Variants in CNTNAP5 observed in about 807,000 individuals in gnomAD.
CNTNAP5 encodes the protein contactin associated protein family member 5, also known as contactin-associated protein-like 5.
CNTNAP5 carries 72 observed loss-of-function variants against 150.2 expected under a neutral mutation model. The observed-to-expected ratio is 0.48, with a 90% CI of 0.40 to 0.58. The LOEUF (loss-of-function observed/expected upper bound fraction) is 0.58. Among genes scored for constraint, CNTNAP5 ranks in the 20% least tolerant of loss-of-function variants. The pLI is 0.00. For missense variants in CNTNAP5, 1,636 were observed against 1,626.2 expected (o/e 1.01, Z -0.10); for synonymous variants, 672 against 619.8 (o/e 1.08, Z -1.25).
chr2:124,572,928 G>C (rs530540604), intron 11 of CNTNAP5, among the ~76,000 whole-genome samples: 1 of 152,224 alleles, frequency 6.6e-6, no homozygotes, highest in Admixed American at 6.5e-5. Context: ...TTATTCTACC[G>C]TATAAAAATT....
chr2:124,723,009 A>G (rs1398235168), intron 13 of CNTNAP5, among the ~76,000 whole-genome samples: 4 of 152,174 alleles, frequency 2.6e-5, no homozygotes, highest in African/African-American at 7.2e-5. Flanking sequence ...AGCCACATCT[A>G]TAATCTCTTT....
chr2:124,406,296 T>G lies in CNTNAP5; in HGVS notation c.382-11147T>G, dbSNP rs185573772. ...TAATGTATAATCTGTAGTTGTTGAA[T>G]GGAGTGTTACATGAATGTAAATTAG... On this transcript the variant is annotated intron_variant, in intron 3 of 23. Transcript: ENST00000682447. Among the ~76,000 whole-genome samples the G allele has an allele frequency of 1.9e-3, 286 of 152,348 alleles. 2 individuals carry two copies. Among genetic ancestry groups the G allele is most frequent in the African/African-American group, 6.4e-3 (267 of 41,596 alleles).
intron 7 of CNTNAP5, among the ~76,000 whole-genome samples, chr2:124,481,400 C>T (rs973081783): frequency 2.6e-5 from 4 of 152,108 alleles, no homozygotes; most frequent in African/African-American, 4.8e-5. Flanking sequence ...TATGACTTTT[C>T]CTTTCTATCA....
At chr2:124,565,026 T>C (rs1447620165) in intron 11 of CNTNAP5, among the ~76,000 whole-genome samples, 1 of 152,108 alleles carries the variant, frequency 6.6e-6, no homozygotes, top group East Asian at 1.9e-4. Flanking sequence ...GCATGGTAGA[T>C]GCCAATAGGG....
chr2:124,264,992 G>C (rs939861586), intron 3 of CNTNAP5, among the ~76,000 whole-genome samples: 1 of 152,216 alleles, frequency 6.6e-6, no homozygotes, highest in Non-Finnish European at 1.5e-5. Context: ...CAGTAACACA[G>C]ACCTCCTAAG....
At chr2:124,156,644 C>T (rs545682667) in intron 1 of CNTNAP5, among the ~76,000 whole-genome samples, 11 of 152,216 alleles carry the variant, frequency 7.2e-5, no homozygotes, top group Middle Eastern at 3.4e-3. Context: ...TACAAACATG[C>T]GCCACCATAC....
chr2:124,200,066 T>G (rs1433732574), intron 1 of CNTNAP5, among the ~76,000 whole-genome samples: 1 of 152,186 alleles, frequency 6.6e-6, no homozygotes, highest in African/African-American at 2.4e-5. Flanking sequence ...AAAACAATCT[T>G]TGCAGCATTT....
At chr2:124,557,295 A>G (rs756255201) in intron 10 of CNTNAP5, among the ~76,000 whole-genome samples, 7 of 151,536 alleles carry the variant, frequency 4.6e-5, no homozygotes, top group Non-Finnish European at 7.4e-5. Flanking sequence ...GCTGCACAGA[A>G]GAAGGCTCTT....
intron 13 of CNTNAP5, among the ~76,000 whole-genome samples, chr2:124,671,988 G>A (rs1678833737): frequency 6.6e-6 from 1 of 152,154 alleles, no homozygotes; most frequent in African/African-American, 2.4e-5. Context: ...GATATACCCA[G>A]TGAGACTTGT....
chr2:124,461,066 T>C (rs1331081320), intron 6 of CNTNAP5, among the ~76,000 whole-genome samples: 2 of 152,124 alleles, frequency 1.3e-5, no homozygotes, highest in African/African-American at 2.4e-5. Context: ...GGAACACTTT[T>C]ACACTGTTGG....
intron 1 of CNTNAP5, among the ~76,000 whole-genome samples, chr2:124,096,432 T>C (rs1293247721): frequency 6.6e-6 from 1 of 152,198 alleles, no homozygotes; most frequent in Non-Finnish European, 1.5e-5. Context: ...CTTGCCAATT[T>C]AATCAACTCA....
intron 19 of CNTNAP5, among the ~76,000 whole-genome samples, chr2:124,803,559 G>A (rs192938576): frequency 6.6e-6 from 1 of 152,092 alleles, no homozygotes; most frequent in Non-Finnish European, 1.5e-5. Flanking sequence ...TCACCTTCTG[G>A]GGAGGCTGTG....
At chr2:124,767,259 G>T (rs902522018) in intron 16 of CNTNAP5, among the ~76,000 whole-genome samples, 1 of 152,096 alleles carries the variant, frequency 6.6e-6, no homozygotes. Context: ...CGAATTATTG[G>T]ACAGGGAACA....
chr2:124,895,949 C>T (rs1003608531), intron 21 of CNTNAP5, among the ~76,000 whole-genome samples: 8 of 151,470 alleles, frequency 5.3e-5, no homozygotes, highest in East Asian at 1.9e-4. Flanking sequence ...TGTGAAGAGT[C>T]GGTGCATGGG....
intron 1 of CNTNAP5, among the ~76,000 whole-genome samples, chr2:124,186,319 C>T (rs1270587406): frequency 6.6e-6 from 1 of 152,206 alleles, no homozygotes; most frequent in African/African-American, 2.4e-5. Context: ...ATATGCTTAT[C>T]TGCATAGCTA....
intron 13 of CNTNAP5, among the ~76,000 whole-genome samples, chr2:124,738,293 A>G (rs1680428725): frequency 6.6e-6 from 1 of 152,178 alleles, no homozygotes; most frequent in South Asian, 2.1e-4. Flanking sequence ...TATCAGGGAA[A>G]TTGTGTAGTA....
At chr2:124,894,186 G>A (rs1678257596) in intron 21 of CNTNAP5, among the ~76,000 whole-genome samples, 2 of 152,046 alleles carry the variant, frequency 1.3e-5, no homozygotes, top group African/African-American at 4.8e-5. Flanking sequence ...TTTGCAATAT[G>A]CTTACATCTG....
chr2:124,670,161 CT>C (rs1281058506), intron 13 of CNTNAP5, among the ~76,000 whole-genome samples: 19 of 134,368 alleles, frequency 1.4e-4, no homozygotes, highest in African/African-American at 5.3e-4. Flanking sequence ...TCCTTCCTTC[CT>C]TCCTTCCTTC....
Position 124,524,406 on chromosome 2 carries a change from C to T in CNTNAP5, c.1431C>T (p.Asp477=), listed in dbSNP as rs751319412. 149 of 1,613,592 alleles carry T rather than the reference C, an allele frequency of 9.2e-5. No individual in the cohort carries two copies. Among genetic ancestry groups the T allele is most frequent in the Non-Finnish European group, 1.2e-4 (147 of 1,179,794 alleles). ...ATGAAGCAGCACCCCCGGCTCCAGA[C>T]AGCACTTGGGTGCAGATTTATTCTG... ...LDDEAAPPAP[D]STWVQIYSGN... The change falls in exon 9 of 24, where the codon GAC becomes GAT. Residue 477 remains aspartate, a synonymous_variant. Transcript: ENST00000682447.
Sources: gnomAD v4.1 joint callset for allele counts (sites outside exome capture counted in the v4.1 genomes callset) on GRCh38, gnomAD v4.1.1 for gene constraint, MANE v1.5 for transcripts, NCBI Gene and HGNC (gene_info 2026-07-23, HGNC 2026-07-21) for gene names.